The following GRIP2 variants were observed in gnomAD, a reference collection of about 807,000 sequenced individuals.
GRIP2 encodes the protein glutamate receptor-interacting protein 2.
GRIP2 carries 58 observed loss-of-function variants against 108.3 expected under a neutral mutation model. That is an observed-to-expected ratio of 0.54 (90% CI 0.43 to 0.67). GRIP2 has a LOEUF of 0.67. Ranked by LOEUF, GRIP2 falls within the 30% of genes least tolerant of loss-of-function variation. The probability of loss-of-function intolerance (pLI) is 0.00; values close to 1 mark genes in which losing one functional copy is unlikely to be tolerated. For missense variants in GRIP2, 1,278 were observed against 1,430.6 expected (o/e 0.89, Z 1.72); for synonymous variants, 586 against 598.2 (o/e 0.98, Z 0.30).
the GRIP2 span, among the ~76,000 whole-genome samples, chr3:14,580,807 T>C: frequency 6.6e-6 from 1 of 152,194 alleles, no homozygotes; most frequent in East Asian, 1.9e-4. Context: ...AGGTATTTTT[T>C]AGATGTGATT....
At chr3:14,515,270 G>C (rs1694218143) in intron 11 of GRIP2, among the ~76,000 whole-genome samples, 1 of 152,114 alleles carries the variant, frequency 6.6e-6, no homozygotes, top group Non-Finnish European at 1.5e-5. Context: ...TCCACTATTT[G>C]GCTACAGTGA....
At chr3:14,601,077 C>T in the GRIP2 span, among the ~76,000 whole-genome samples, 3 of 151,868 alleles carry the variant, frequency 2.0e-5, no homozygotes, top group Non-Finnish European at 4.4e-5. Context: ...CACACACACA[C>T]ACACACACAC....
Position 14,514,311 on chromosome 3 carries a change from G to A in GRIP2, c.1474C>T (p.Pro492Ser), listed in dbSNP as rs867039310. 3 of 1,568,142 alleles carry A rather than the reference G, an allele frequency of 1.9e-6. No homozygotes were observed. Among genetic ancestry groups the A allele is most frequent in the Admixed American group, 3.8e-5 (2 of 52,902 alleles). Residue 492 changes from proline (P) to serine (S), a missense_variant, in exon 12 of 24, where the codon CCT becomes TCT. Coordinates refer to ENST00000621039, the MANE Select transcript of GRIP2 (RefSeq NM_001080423.4). ...SSPPLVCFIE[P>S]DSPAERCGLL... The stretch of plus-strand genomic sequence containing the variant: ...GCTCACCTCTCAGCCGGACTGTCAG[G>A]CTCGATGAAGCACACGAGGGGTGGG...
upstream of GRIP2, among the ~76,000 whole-genome samples, chr3:14,546,622 C>T (rs757780106): frequency 6.6e-6 from 1 of 152,038 alleles, no homozygotes; most frequent in Non-Finnish European, 1.5e-5. Flanking sequence ...TGATGCAAAA[C>T]AGGAAGAAAA....
chr3:14,506,992 G>C lies in GRIP2; in HGVS notation c.2219-12C>G. ...GGGTAGGAGGGGACCTGGGAGGAGA[G>C]AGGGGTGTCAATTCTGACTTCAGAG... On this transcript the variant is annotated splice_polypyrimidine_tract_variant and intron_variant, in intron 18 of 23. Transcript: ENST00000621039. 6.3e-7 allele frequency: 1 copy of C among 1,583,628 alleles called. No individual in the cohort carries two copies.
rs1270967819 is a variant in GRIP2, at chr3:14,522,739, G to A, written c.566+261C>T. On this transcript the variant is annotated intron_variant, in intron 6 of 23. Transcript: ENST00000621039. The surrounding 1 kb of genome is among the most constrained non-coding windows in gnomAD (Gnocchi z 4.3). Reference sequence around the variant, plus strand: ...ACCAAGGAGCAGGAAAGGGAAGAACGACACCAAGGCTGCCCCTCTCCAAAC... The same window carrying A: ...ACCAAGGAGCAGGAAAGGGAAGAACAACACCAAGGCTGCCCCTCTCCAAAC... The A allele has an allele frequency of 8.4e-6, 4 of 476,380 alleles. No individual in the cohort carries two copies. Among genetic ancestry groups the A allele is most frequent in the South Asian group, 5.0e-5 (2 of 40,132 alleles). 29.5% of individuals were successfully genotyped at this position (476,380 alleles called of 1,614,324 possible). A position where few individuals can be genotyped will look rare whatever the true frequency, so the allele number is the denominator to read the frequency against.
At chr3:14,520,953 CCACCCATGTCT>C in intron 7 of GRIP2, 1 of 207,540 alleles carries the variant, frequency 4.8e-6, no homozygotes, top group Non-Finnish European at 9.9e-6. Context: ...CTGCCCTCGC[CCACCCATGTCT>C]AAATCTCAGC....
the GRIP2 span, among the ~76,000 whole-genome samples, chr3:14,566,498 C>T: frequency 6.6e-6 from 1 of 152,234 alleles, no homozygotes; most frequent in African/African-American, 2.4e-5. Flanking sequence ...CCATTAGAAC[C>T]GCAGCAGAGA....
chr3:14,535,406 T>C (rs952532057), intron 1 of GRIP2, among the ~76,000 whole-genome samples: 7 of 152,122 alleles, frequency 4.6e-5, no homozygotes, highest in Non-Finnish European at 8.8e-5. Context: ...TGTGGGGAAG[T>C]GTGCACAGAA....
rs753424479 is a variant in GRIP2, at chr3:14,513,692, C to T, written c.1612G>A (p.Val538Met). 42 of 1,610,694 alleles carry T rather than the reference C, an allele frequency of 2.6e-5. No homozygotes were observed. The highest frequency in any genetic ancestry group is 6.7e-5 in the East Asian group (3 of 44,754). ...GCCACATCGAACTCCACCTCCAGCA[C>T]GACCTTGTGGGCCAGTGCGGCGTCC... ...LRDAALAHKV[V>M]LEVEFDVAES... The change falls in exon 13 of 24, where the codon GTG becomes ATG. Residue 538 changes from valine (V) to methionine (M), a missense_variant. Coordinates refer to ENST00000621039, the MANE Select transcript of GRIP2 (RefSeq NM_001080423.4).
chr3:14,545,726 A>C (rs139849837), upstream of GRIP2, among the ~76,000 whole-genome samples: 1 of 152,234 alleles, frequency 6.6e-6, no homozygotes, highest in Admixed American at 6.5e-5. Flanking sequence ...TCAGTGAATG[A>C]GCGAAACACC....
intron 4 of GRIP2, 112 bp from the exon 5 acceptor site, chr3:14,523,810 G>A (rs1000490915): frequency 2.6e-6 from 2 of 757,788 alleles, no homozygotes; most frequent in Admixed American, 2.0e-5. Flanking sequence ...AGATTACAGG[G>A]AGGGTAAACC....
chr3:14,516,998 C>A, intron 11 of GRIP2, 66 bp downstream of exon 11: 1 of 1,397,594 alleles, frequency 7.2e-7, no homozygotes, highest in Non-Finnish European at 9.4e-7. Flanking sequence ...TGACATACAC[C>A]CTTTGGCAAG....
chr3:14,592,593 C>T, the GRIP2 span, among the ~76,000 whole-genome samples: 1 of 152,138 alleles, frequency 6.6e-6, no homozygotes, highest in Non-Finnish European at 1.5e-5. Context: ...GGCTCTTTTC[C>T]CTGGCCAGAT....
chr3:14,498,346 C>T (rs1203298005), intron 21 of GRIP2, among the ~76,000 whole-genome samples: 1 of 152,016 alleles, frequency 6.6e-6, no homozygotes, highest in Non-Finnish European at 1.5e-5. Flanking sequence ...GTCTGTGGTC[C>T]CAGCTACTAG....
chr3:14,496,014 G>A (rs1293373964), intron 22 of GRIP2, among the ~76,000 whole-genome samples: 3 of 151,924 alleles, frequency 2.0e-5, no homozygotes, highest in Non-Finnish European at 4.4e-5. Context: ...GTGTAGTGGT[G>A]CATGCCTGTG....
rs1181527271 is a variant in GRIP2, at chr3:14,521,820, G to A, written c.567-33C>T. On this transcript the variant is annotated intron_variant, in intron 6 of 23. Transcript: ENST00000621039. This position sits in a 1 kb window ranked among gnomAD's most constrained non-coding sequence, Gnocchi z 5.1. ...GAAGGGCCAGTCACCAGCCTGGCCC[G>A]GCAGCAGCACTGGGCACAGCCTGTC... 38 of 1,544,154 alleles carry A rather than the reference G, an allele frequency of 2.5e-5. No homozygotes were observed. Among genetic ancestry groups the A allele is most frequent in the Middle Eastern group, 2.1e-4 (1 of 4,834 alleles).
At chr3:14,556,616 G>A (rs570836024), upstream of GRIP2, among the ~76,000 whole-genome samples, 7 of 152,200 alleles carry the variant, frequency 4.6e-5, no homozygotes, top group South Asian at 1.2e-3. Flanking sequence ...CCTAGGCCCC[G>A]CCTCTTAACT....
At chr3:14,527,242 G>A (rs1340604024) in intron 1 of GRIP2, among the ~76,000 whole-genome samples, 2 of 128,242 alleles carry the variant, frequency 1.6e-5, no homozygotes, top group Non-Finnish European at 3.5e-5. Context: ...TGAGAAAGAA[G>A]GAAGAAAGGG....
Sources: allele counts gnomAD v4.1 joint callset (sites outside exome capture counted in the v4.1 genomes callset), GRCh38; gene constraint gnomAD v4.1.1; non-coding constraint Gnocchi (gnomAD v3.1); transcripts MANE v1.5; gene names NCBI Gene and HGNC (gene_info 2026-07-23, HGNC 2026-07-21).